INPP5A: variants seen among roughly 807,000 people sequenced by gnomAD.
INPP5A encodes the protein 43 kDa inositol polyphosphate 5-phophatase.
A neutral mutation model predicts 65.2 loss-of-function variants in INPP5A; 14 were observed. That is an observed-to-expected ratio of 0.21 (90% CI 0.14 to 0.34). INPP5A has a LOEUF of 0.34. INPP5A is among the 10% of genes least tolerant of loss of function. The probability of loss-of-function intolerance (pLI) is 1.00; values close to 1 mark genes in which losing one functional copy is unlikely to be tolerated. For synonymous variants in INPP5A, 207 were observed against 208.3 expected, an observed-to-expected ratio of 0.99 and a Z score of 0.05; for missense variants, 431 against 545.6, an observed-to-expected ratio of 0.79 and a Z score of 2.09.
chr10:132,662,848 A>G (rs2072754327), intron 4 of INPP5A, among the ~76,000 whole-genome samples: 1 of 152,148 alleles, frequency 6.6e-6, no homozygotes, highest in African/African-American at 2.4e-5. Flanking sequence ...GACCCAGGGA[A>G]CCTTCTGGAG....
At chr10:132,649,139 G>A (rs898199222) in intron 3 of INPP5A, among the ~76,000 whole-genome samples, 2 of 152,168 alleles carry the variant, frequency 1.3e-5, no homozygotes, top group East Asian at 1.9e-4. Context: ...GCTCTTTTCT[G>A]TTGCAGATTT....
chr10:132,653,372 G>A (rs2072606271), intron 4 of INPP5A, among the ~76,000 whole-genome samples: 1 of 152,138 alleles, frequency 6.6e-6, no homozygotes, highest in Non-Finnish European at 1.5e-5. Flanking sequence ...GTCCGGAGCG[G>A]CCTGTGCTTA....
At chr10:132,765,178 C>G (rs1018280052) in intron 11 of INPP5A, among the ~76,000 whole-genome samples, 5 of 151,612 alleles carry the variant, frequency 3.3e-5, no homozygotes, top group Non-Finnish European at 5.9e-5. Flanking sequence ...CTCAGAAACA[C>G]GGTGGGCCAG....
intron 9 of INPP5A, among the ~76,000 whole-genome samples, chr10:132,740,915 A>T (rs1846260362): frequency 6.6e-6 from 1 of 152,074 alleles, no homozygotes; most frequent in African/African-American, 2.4e-5. Flanking sequence ...GAGGAGAGAA[A>T]CCCTAAGAGT....
At chr10:132,750,316 G>A (rs1485536844) in intron 11 of INPP5A, among the ~76,000 whole-genome samples, 1 of 152,248 alleles carries the variant, frequency 6.6e-6, no homozygotes, top group Non-Finnish European at 1.5e-5. Context: ...GTGCACGTGA[G>A]TGCGTATCTG....
intron 12 of INPP5A, among the ~76,000 whole-genome samples, chr10:132,768,963 G>A (rs932116647): frequency 1.6e-4 from 25 of 152,334 alleles, no homozygotes; most frequent in East Asian, 3.9e-4. Context: ...ACCCTCCCGC[G>A]GGCAGTAGAC....
intron 2 of INPP5A, among the ~76,000 whole-genome samples, chr10:132,617,538 G>A (rs923631230): frequency 2.0e-5 from 3 of 152,244 alleles, no homozygotes; most frequent in Non-Finnish European, 4.4e-5. Context: ...GCTGTTACCT[G>A]CTCGTGTGGC....
intron 9 of INPP5A, among the ~76,000 whole-genome samples, chr10:132,744,718 A>G (rs1846337620): frequency 6.6e-6 from 1 of 152,054 alleles, no homozygotes; most frequent in South Asian, 2.1e-4. Context: ...TACTCCCTGC[A>G]TTGAGGTGAG....
Position 132,758,161 on chromosome 10 carries a change from CCCCACA to C in INPP5A, c.904-7607_904-7602del, listed in dbSNP as rs1248178913. On this transcript the variant is annotated intron_variant, in intron 11 of 15. Transcript: ENST00000368594. ...TGCGATGTTGTGGGTCCCTGGCTGA[CCCCACA>C]CCCATAGCCCGGCACCATGGCGTGG... 2.4e-4 allele frequency among the ~76,000 whole-genome samples: 23 copies of C among 97,300 alleles called. 1 individual carries two copies. Among genetic ancestry groups the C allele is most frequent in the African/African-American group, 7.0e-4 (19 of 27,030 alleles). 63.8% of individuals were successfully genotyped at this position (97,300 alleles called of 152,430 possible). A position where few individuals can be genotyped will look rare whatever the true frequency, so the allele number is the denominator to read the frequency against.
In INPP5A at chr10:132,539,680, GCTCCCTCCCTCCCTCC is replaced by G. The variant is rs538466893; in HGVS notation, c.75+1520_75+1535del. 2.0e-5 allele frequency among the ~76,000 whole-genome samples: 3 copies of G among 151,482 alleles called. No homozygotes were observed. In the East Asian group the frequency reaches 5.8e-4, roughly 29 times the overall value. ...AGATGGAGGCCGTGGAGCCACGGAC[GCTCCCTCCCTCCCTCC>G]CTCCCTCCCTAGGTGAACAGTGGGG... is the stretch of plus-strand genomic sequence containing the variant. On this transcript the variant is annotated intron_variant, in intron 1 of 15. Transcript: ENST00000368594.
At chr10:132,598,178 T>C (rs1369991080) in intron 1 of INPP5A, among the ~76,000 whole-genome samples, 2 of 152,172 alleles carry the variant, frequency 1.3e-5, no homozygotes, top group African/African-American at 4.8e-5. Flanking sequence ...GGAGACTCAG[T>C]GTGTGGCTCG....
chr10:132,748,179 G>A (rs1846406198), intron 9 of INPP5A, among the ~76,000 whole-genome samples: 1 of 151,950 alleles, frequency 6.6e-6, no homozygotes, highest in African/African-American at 2.4e-5. Context: ...GCCCCAGTCA[G>A]TTCCCTCCCG....
intron 5 of INPP5A, 94 bp downstream of exon 5, chr10:132,690,549 G>C: frequency 2.2e-6 from 2 of 898,538 alleles, no homozygotes; most frequent in Non-Finnish European, 3.6e-6. Flanking sequence ...GTCTCTGTGA[G>C]TGGCCACTGT....
At chr10:132,726,098 G>T (rs1276752104) in intron 8 of INPP5A, among the ~76,000 whole-genome samples, 1 of 152,170 alleles carries the variant, frequency 6.6e-6, no homozygotes, top group African/African-American at 2.4e-5. Context: ...GCTTATATCT[G>T]TAAGGGAAGC....
chr10:132,548,228 G>A (rs943395742), intron 1 of INPP5A, among the ~76,000 whole-genome samples: 3 of 152,124 alleles, frequency 2.0e-5, no homozygotes, highest in African/African-American at 7.2e-5. Flanking sequence ...GGGTGGGGTG[G>A]GGCCAATGCA....
intron 2 of INPP5A, among the ~76,000 whole-genome samples, chr10:132,624,195 A>G (rs561574601): frequency 6.6e-6 from 1 of 151,774 alleles, no homozygotes; most frequent in Admixed American, 6.6e-5. Flanking sequence ...TTTGCACAGA[A>G]GCCTGAAGCA....
intron 7 of INPP5A, chr10:132,708,590 A>C (rs1434599665): frequency 1.5e-6 from 1 of 671,080 alleles, no homozygotes; most frequent in Non-Finnish European, 2.8e-6. Context: ...GCCCAGTGCC[A>C]ATGGAGACAC....
At chr10:132,691,151 C>T (rs1845253549) in intron 5 of INPP5A, among the ~76,000 whole-genome samples, 1 of 152,238 alleles carries the variant, frequency 6.6e-6, no homozygotes. Context: ...TGTTTGTGCT[C>T]CCTCGGGAGA....
chr10:132,561,722 C>CCACACACACACACA (rs35335535), intron 1 of INPP5A, among the ~76,000 whole-genome samples: 10 of 142,312 alleles, frequency 7.0e-5, no homozygotes, highest in Admixed American at 2.8e-4. Context: ...TTGTCAATTT[C>CCACACACACACACA]CACACACACA....
Sources: gnomAD v4.1 joint callset for allele counts (sites outside exome capture counted in the v4.1 genomes callset) on GRCh38, gnomAD v4.1.1 for gene constraint, MANE v1.5 for transcripts, NCBI Gene and HGNC (gene_info 2026-07-23, HGNC 2026-07-21) for gene names.